DACH1: variants seen among roughly 807,000 people sequenced by gnomAD.
DACH1 encodes the protein dachshund family transcription factor 1.
A neutral mutation model predicts 54.2 loss-of-function variants in DACH1; 12 were observed. That is an observed-to-expected ratio of 0.22 (90% CI 0.14 to 0.36). The LOEUF (loss-of-function observed/expected upper bound fraction) is 0.36, where lower values mean the gene tolerates loss of function less well. Among genes scored for constraint, DACH1 ranks in the 10% least tolerant of loss-of-function variants. DACH1 has a pLI of 1.00. For synonymous variants in DACH1, 386 were observed against 366.2 expected (o/e 1.05, Z -0.62); for missense variants, 805 against 929.8 (o/e 0.87, Z 1.75).
intron 6 of DACH1, among the ~76,000 whole-genome samples, chr13:71,489,641 T>C (rs554500807): frequency 4.5e-4 from 68 of 152,238 alleles, no homozygotes; most frequent in African/African-American, 1.5e-3. Flanking sequence ...GAATGTAAAG[T>C]TAAAATCTTT....
At chr13:71,552,378 T>C (rs897374734) in intron 6 of DACH1, among the ~76,000 whole-genome samples, 4 of 152,086 alleles carry the variant, frequency 2.6e-5, no homozygotes, top group African/African-American at 9.7e-5. Context: ...AAGTTAATAT[T>C]ATAGGCTTAT....
chr13:71,818,053 T>C (rs1354006353), intron 1 of DACH1, among the ~76,000 whole-genome samples: 1 of 152,018 alleles, frequency 6.6e-6, no homozygotes, highest in African/African-American at 2.4e-5. Context: ...CCTCAAGTGA[T>C]CCACCTGCCT....
chr13:71,610,195 C>T (rs998640534), intron 3 of DACH1, among the ~76,000 whole-genome samples: 16 of 151,890 alleles, frequency 1.1e-4, no homozygotes, highest in African/African-American at 3.1e-4. Context: ...TTCTATGAAC[C>T]ACTAAATAGA....
chr13:71,764,765 T>C (rs17791110), intron 1 of DACH1, among the ~76,000 whole-genome samples: 43,594 of 152,180 alleles, frequency 0.29, 6,566 homozygotes, highest in Non-Finnish European at 0.31. Flanking sequence ...GCCAATGTGG[T>C]AAATATCTGA....
intron 1 of DACH1, among the ~76,000 whole-genome samples, chr13:71,720,719 T>G (rs1350130209): frequency 1.3e-5 from 2 of 152,310 alleles, no homozygotes; most frequent in Middle Eastern, 6.8e-3. Flanking sequence ...TGCTTTGCTA[T>G]CCATATAAAA....
chr13:71,613,195 G>A (rs1437461174), intron 3 of DACH1, among the ~76,000 whole-genome samples: 1 of 152,172 alleles, frequency 6.6e-6, no homozygotes, highest in African/African-American at 2.4e-5. Flanking sequence ...TAAGAACAAA[G>A]AGAACAGAGA....
chr13:71,658,376 C>T (rs548646187), intron 2 of DACH1, among the ~76,000 whole-genome samples: 2 of 152,138 alleles, frequency 1.3e-5, no homozygotes, highest in East Asian at 3.9e-4. Context: ...ATGGTGAAAC[C>T]CCATCTCTAC....
intron 7 of DACH1, among the ~76,000 whole-genome samples, chr13:71,482,289 G>T (rs1878109810): frequency 6.6e-6 from 1 of 151,914 alleles, no homozygotes; most frequent in African/African-American, 2.4e-5. Context: ...ATACGGCTTA[G>T]AAAGTACAAT....
At chr13:71,663,246 C>T (rs1478670726) in intron 2 of DACH1, among the ~76,000 whole-genome samples, 3 of 151,630 alleles carry the variant, frequency 2.0e-5, no homozygotes, top group Admixed American at 2.0e-4. Context: ...ACAACAGAGA[C>T]AATAATTCAA....
chr13:71,857,377 A>G (rs1334117480), intron 1 of DACH1, among the ~76,000 whole-genome samples: 3 of 151,780 alleles, frequency 2.0e-5, no homozygotes, highest in Non-Finnish European at 3.0e-5. Context: ...ATGTGCTACA[A>G]AAAGGTAAAA....
intron 2 of DACH1, among the ~76,000 whole-genome samples, chr13:71,640,166 C>T (rs984822752): frequency 1.3e-5 from 2 of 151,942 alleles, no homozygotes; most frequent in African/African-American, 4.8e-5. Flanking sequence ...GTACAGAAGA[C>T]AGTAAACTAT....
intron 6 of DACH1, among the ~76,000 whole-genome samples, chr13:71,539,281 G>A (rs988812578): frequency 1.3e-5 from 2 of 151,840 alleles, no homozygotes. Flanking sequence ...TTCATTGATG[G>A]GTGCTCTTGA....
At chr13:71,717,788 C>T (rs1171024952) in intron 1 of DACH1, among the ~76,000 whole-genome samples, 2 of 151,770 alleles carry the variant, frequency 1.3e-5, no homozygotes, top group African/African-American at 4.8e-5. Context: ...TTGAGACTTG[C>T]CATATTCATC....
rs564988350 is a variant in DACH1, at chr13:71,837,746, T to C, written c.848+28176A>G. ...ATGTTTATTGCGGCATTATTCACAATAGCAACCCAAATGTCCAACAATGAT... is the reference window on the plus strand; with the variant it reads ...ATGTTTATTGCGGCATTATTCACAACAGCAACCCAAATGTCCAACAATGAT... On this transcript the variant is annotated intron_variant, in intron 1 of 10. Coordinates refer to ENST00000613252, the MANE Select transcript of DACH1 (RefSeq NM_080759.6). Among the ~76,000 whole-genome samples the C allele has an allele frequency of 2.2e-5, 3 of 138,028 alleles. 1 individual carries two copies. Among genetic ancestry groups the C allele is most frequent in the South Asian group, 2.3e-4 (1 of 4,352 alleles). The allele number at this position is 138,028 out of a possible 152,430, so 90.6% of individuals were successfully genotyped here.
chr13:71,519,353 G>C (rs1181817654), intron 6 of DACH1, among the ~76,000 whole-genome samples: 1 of 151,670 alleles, frequency 6.6e-6, no homozygotes, highest in Non-Finnish European at 1.5e-5. Context: ...TGAGTTTTTG[G>C]CACCTAATCT....
At chr13:71,627,304 T>C (rs1246533088) in intron 3 of DACH1, among the ~76,000 whole-genome samples, 2 of 149,020 alleles carry the variant, frequency 1.3e-5, no homozygotes, top group East Asian at 3.9e-4. Context: ...TAAGGATTCA[T>C]TTACAATCAA....
At chr13:71,674,031 A>G (rs1880392428) in intron 2 of DACH1, among the ~76,000 whole-genome samples, 5 of 152,200 alleles carry the variant, frequency 3.3e-5, no homozygotes, top group African/African-American at 7.2e-5. Flanking sequence ...TGTAATTGTA[A>G]GGCATAATAA....
intron 6 of DACH1, among the ~76,000 whole-genome samples, chr13:71,555,563 C>T (rs1467775560): frequency 6.6e-6 from 1 of 151,802 alleles, no homozygotes; most frequent in Non-Finnish European, 1.5e-5. Context: ...AGGCTGGTCT[C>T]GACTCCTGAC....
At chr13:71,800,855 T>TTGGAAAAAAATCTCTGCAACAA (rs1887262444) in intron 1 of DACH1, among the ~76,000 whole-genome samples, 1 of 139,544 alleles carries the variant, frequency 7.2e-6, no homozygotes, top group African/African-American at 2.7e-5. Context: ...GAAAGTCCCT[T>TTGGAAAAAAATCTCTGCAACAA]TGAAAAAAAA....
Sources: allele counts gnomAD v4.1 joint callset (sites outside exome capture counted in the v4.1 genomes callset), GRCh38; gene constraint gnomAD v4.1.1; transcripts MANE v1.5; gene names NCBI Gene and HGNC (gene_info 2026-07-23, HGNC 2026-07-21).